Variants in NKAIN2 observed in about 807,000 individuals in gnomAD.
NKAIN2 encodes sodium/potassium-transporting ATPase subunit beta-1-interacting protein 2.
Under a neutral mutation model 32.6 loss-of-function variants are expected in NKAIN2, and 14 were observed. That is an observed-to-expected ratio of 0.43 (90% CI 0.28 to 0.67). The LOEUF (loss-of-function observed/expected upper bound fraction) is 0.67, where lower values mean the gene tolerates loss of function less well. Among genes scored for constraint, NKAIN2 ranks in the 30% least tolerant of loss-of-function variants. The pLI is 0.17. For synonymous variants in NKAIN2, 80 were observed against 87.2 expected (o/e 0.92, Z 0.46); for missense variants, 198 against 258.3 (o/e 0.77, Z 1.60).
chr6:124,419,751 A>T (rs1774662908), intron 3 of NKAIN2, among the ~76,000 whole-genome samples: 1 of 152,108 alleles, frequency 6.6e-6, no homozygotes, highest in African/African-American at 2.4e-5. Context: ...CAGATCTAGT[A>T]ATACTTTCTT....
chr6:123,949,332 G>T, intron 1 of NKAIN2, among the ~76,000 whole-genome samples: 1 of 151,954 alleles, frequency 6.6e-6, no homozygotes, highest in East Asian at 1.9e-4. Flanking sequence ...TTCTATGTCT[G>T]TGAAAAACGG....
At chr6:124,149,284 G>A (rs747500216) in intron 1 of NKAIN2, among the ~76,000 whole-genome samples, 4 of 152,100 alleles carry the variant, frequency 2.6e-5, no homozygotes, top group Non-Finnish European at 4.4e-5. Flanking sequence ...GGTACCAATT[G>A]CAGCACAAAA....
intron 1 of NKAIN2, among the ~76,000 whole-genome samples, chr6:124,154,288 G>C (rs1787872339): frequency 6.6e-6 from 1 of 151,826 alleles, no homozygotes; most frequent in African/African-American, 2.4e-5. Context: ...ATGTATCAAA[G>C]AAATGTTTCT....
At chr6:124,084,095 A>G (rs1302913988) in intron 1 of NKAIN2, among the ~76,000 whole-genome samples, 1 of 151,984 alleles carries the variant, frequency 6.6e-6, no homozygotes, top group Non-Finnish European at 1.5e-5. Flanking sequence ...CCAGATTTCT[A>G]GCTTGAGTAA....
chr6:124,736,397 A>G (rs1220067349), intron 4 of NKAIN2, among the ~76,000 whole-genome samples: 1 of 151,988 alleles, frequency 6.6e-6, no homozygotes, highest in Non-Finnish European at 1.5e-5. Flanking sequence ...AGCTAAGATC[A>G]TTGATGAAGG....
chr6:124,724,124 A>G (rs958039149), intron 4 of NKAIN2, among the ~76,000 whole-genome samples: 3 of 152,238 alleles, frequency 2.0e-5, no homozygotes, highest in African/African-American at 7.2e-5. Flanking sequence ...AGCAAGGAAG[A>G]GTGGCTGCCG....
At chr6:123,873,466 A>C (rs1582691582) in intron 1 of NKAIN2, among the ~76,000 whole-genome samples, 1 of 152,208 alleles carries the variant, frequency 6.6e-6, no homozygotes, top group Non-Finnish European at 1.5e-5. Context: ...CTTTGTTTTA[A>C]GAGTCATGGG....
At chr6:124,444,592 T>C (rs959168232) in intron 3 of NKAIN2, among the ~76,000 whole-genome samples, 2 of 152,072 alleles carry the variant, frequency 1.3e-5, no homozygotes, top group African/African-American at 4.8e-5. Context: ...TGTTCAATTT[T>C]ACATATTCTC....
chr6:123,886,010 C>G (rs1422996067), intron 1 of NKAIN2, among the ~76,000 whole-genome samples: 1 of 149,070 alleles, frequency 6.7e-6, no homozygotes, highest in Non-Finnish European at 1.5e-5. Context: ...AAAAAAGAGG[C>G]AGTACACATG....
At chr6:124,753,582 A>T (rs1322221765) in intron 4 of NKAIN2, among the ~76,000 whole-genome samples, 1 of 152,102 alleles carries the variant, frequency 6.6e-6, no homozygotes, top group African/African-American at 2.4e-5. Flanking sequence ...TTATATCAAG[A>T]GTCAAAATTC....
intron 1 of NKAIN2, among the ~76,000 whole-genome samples, chr6:124,271,280 G>A (rs560494594): frequency 3.3e-5 from 5 of 152,074 alleles, no homozygotes; most frequent in Admixed American, 1.3e-4. Flanking sequence ...GCAGTGGCAC[G>A]ATCTCGGCTC....
chr6:124,233,767 G>A (rs770368987), intron 1 of NKAIN2, among the ~76,000 whole-genome samples: 1 of 152,014 alleles, frequency 6.6e-6, no homozygotes, highest in Non-Finnish European at 1.5e-5. Context: ...AGAAAGAATG[G>A]GATTCTTCAA....
chr6:124,030,325 G>A (rs145065680), intron 1 of NKAIN2, among the ~76,000 whole-genome samples: 46 of 152,118 alleles, frequency 3.0e-4, no homozygotes, highest in African/African-American at 1.1e-3. Flanking sequence ...TGTTTTCCAC[G>A]AAACCCATCC....
intron 1 of NKAIN2, among the ~76,000 whole-genome samples, chr6:123,944,245 C>T (rs1776965855): frequency 6.6e-6 from 1 of 152,016 alleles, no homozygotes; most frequent in Admixed American, 6.6e-5. Flanking sequence ...TTCTGCCATC[C>T]CAACCTGGTA....
At position 124,519,792 on chromosome 6, in the gene NKAIN2, CAT is replaced by C. The variant is rs949394214; in HGVS notation, c.274-138393_274-138392del. On this transcript the variant is annotated intron_variant, in intron 3 of 6. Transcript: ENST00000368417. ...CAATTCTATTTTAAAAAATAAAAAACATGTAAGAACAGATCTATAATACACTT... is the reference window on the plus strand; with the variant it reads ...CAATTCTATTTTAAAAAATAAAAAACGTAAGAACAGATCTATAATACACTT... Among the ~76,000 whole-genome samples the C allele has an allele frequency of 3.1e-4, 47 of 152,148 alleles. 1 individual carries two copies. The highest frequency in any genetic ancestry group is 1.1e-3 in the African/African-American group (47 of 41,432).
chr6:124,761,565 C>A (rs1015658557), intron 4 of NKAIN2, among the ~76,000 whole-genome samples: 1 of 152,148 alleles, frequency 6.6e-6, no homozygotes, highest in Non-Finnish European at 1.5e-5. Context: ...TGTATCTTGA[C>A]AAATAGAATA....
At position 123,985,001 on chromosome 6, in the gene NKAIN2, C is replaced by A. The variant is rs142597193; in HGVS notation, c.54+180747C>A. Among the ~76,000 whole-genome samples the A allele has an allele frequency of 6.5e-3, 983 of 152,080 alleles. 12 individuals are homozygous for A. The highest frequency in any genetic ancestry group is 0.023 in the African/African-American group (939 of 41,488). On this transcript the variant is annotated intron_variant, in intron 1 of 6. Transcript: ENST00000368417. ...TGTGTTAAATTTATAATTTTAAATC[C>A]TCTGATTTAGTGACCCCATCTGAAG...
chr6:123,867,224 A>G (rs759160588), intron 1 of NKAIN2, among the ~76,000 whole-genome samples: 4 of 152,222 alleles, frequency 2.6e-5, no homozygotes, highest in African/African-American at 7.2e-5. Flanking sequence ...TTCCACTGGA[A>G]TAGAATAATT....
chr6:123,891,392 T>G (rs1774012179), intron 1 of NKAIN2, among the ~76,000 whole-genome samples: 1 of 152,224 alleles, frequency 6.6e-6, no homozygotes. Flanking sequence ...GGATATCATG[T>G]GTTGGTAACA....
Sources: gnomAD v4.1 joint callset for allele counts (sites outside exome capture counted in the v4.1 genomes callset) on GRCh38, gnomAD v4.1.1 for gene constraint, MANE v1.5 for transcripts, NCBI Gene and HGNC (gene_info 2026-07-23, HGNC 2026-07-21) for gene names.